PLB1: variants seen among roughly 807,000 people sequenced by gnomAD.
PLB1 encodes phospholipase B1.
In PLB1, 242 loss-of-function variants were observed where a neutral mutation model predicts 227.4. The observed-to-expected ratio is 1.06, with a 90% CI of 0.96 to 1.18. The LOEUF (loss-of-function observed/expected upper bound fraction) is 1.18, where lower values mean the gene tolerates loss of function less well. Ranked by LOEUF, PLB1 falls within the 50% of genes most tolerant of loss-of-function variation. The pLI is 0.00. For missense variants in PLB1, 1,858 were observed against 1,816.3 expected (o/e 1.02, Z -0.42); for synonymous variants, 757 against 682.2 (o/e 1.11, Z -1.71).
rs927383631 is a variant in PLB1 at position 28,614,099 on chromosome 2, A to T, written c.3195+3A>T. ...ACCCCATCAAGCCAGCCATTGAGGT[A>T]ACCCCTGACTCACATCTGCCTCTCT... On this transcript the variant is annotated splice_donor_region_variant and intron_variant, in intron 44 of 57. Transcript: ENST00000327757. 3.1e-6 allele frequency: 5 copies of T among 1,609,524 alleles called. No homozygotes were observed. In the African/African-American group the frequency reaches 5.3e-5, roughly 17 times the overall value.
intron 43 of PLB1, among the ~76,000 whole-genome samples, chr2:28,609,225 TTTC>T (rs1685101697): frequency 6.6e-6 from 1 of 152,154 alleles, no homozygotes; most frequent in Non-Finnish European, 1.5e-5. Context: ...CGGCCTCTGT[TTTC>T]TTTTCTCTCT....
intron 4 of PLB1, among the ~76,000 whole-genome samples, chr2:28,520,173 C>T: frequency 6.6e-6 from 1 of 151,876 alleles, no homozygotes. Context: ...GGTAATCTGC[C>T]CGCCTTGGCC....
In PLB1 at chr2:28,628,460, C is replaced by T. The variant is rs557877510; in HGVS notation, c.3661-103C>T. ...CCAGGACCACCGAAGCCCCTCTGTA[C>T]CCACTCAGTCATTTAGCCCAGGCCC... On this transcript the variant is annotated intron_variant, in intron 51 of 57. Coordinates refer to ENST00000327757, the MANE Select transcript of PLB1 (RefSeq NM_153021.5). The T allele has an allele frequency of 4.8e-5, 48 of 1,000,174 alleles. 1 individual carries two copies. In the African/African-American group the frequency reaches 6.2e-4, roughly 13 times the overall value. The allele number at this position is 1,000,174 out of a possible 1,614,324, so 62.0% of individuals were successfully genotyped here.
intron 55 of PLB1, 72 bp from the exon 56 acceptor site, chr2:28,632,872 C>A: frequency 8.8e-7 from 1 of 1,135,142 alleles, no homozygotes; most frequent in Non-Finnish European, 1.3e-6. Context: ...AGGGCACCTG[C>A]TGGGAGAGTG....
chr2:28,501,264 T>G (rs1033901706), intron 1 of PLB1, among the ~76,000 whole-genome samples: 12 of 152,214 alleles, frequency 7.9e-5, no homozygotes, highest in African/African-American at 2.7e-4. Flanking sequence ...TTTACTCACT[T>G]ACTGAATCCT....
At chr2:28,582,198 C>T in intron 24 of PLB1, 65 bp downstream of exon 24, 2 of 1,544,760 alleles carry the variant, frequency 1.3e-6, no homozygotes, top group Non-Finnish European at 8.9e-7. Flanking sequence ...GAAGCTCTGG[C>T]ATCCTGCTGA....
intron 17 of PLB1, among the ~76,000 whole-genome samples, chr2:28,561,193 A>G (rs1297295145): frequency 6.6e-6 from 1 of 152,166 alleles, no homozygotes; most frequent in Non-Finnish European, 1.5e-5. Context: ...TTAGCTTGTG[A>G]GCTTTTTGAG....
intron 4 of PLB1, among the ~76,000 whole-genome samples, chr2:28,524,596 A>G (rs1669973348): frequency 6.6e-6 from 1 of 152,240 alleles, no homozygotes; most frequent in Non-Finnish European, 1.5e-5. Flanking sequence ...TCCTGCCTTC[A>G]TGGCTCTTAT....
rs76125287 is a variant in PLB1, at chr2:28,643,231, G to C, written c.*170G>C. The C allele has an allele frequency of 4.2e-3, 2,414 of 570,588 alleles. 45 individuals carry two copies. The highest frequency in any genetic ancestry group is 0.041 in the African/African-American group (2,199 of 53,234). 35.3% of individuals were successfully genotyped at this position (570,588 alleles called of 1,614,324 possible). On this transcript the variant is annotated 3_prime_UTR_variant, in exon 58 of 58. Transcript: ENST00000327757. The stretch of plus-strand genomic sequence containing the variant: ...GGCTTCTTCCAGGCCTATGCTCCTG[G>C]AATGGATACATTTAAATAAAGTCCA...
intron 17 of PLB1, among the ~76,000 whole-genome samples, chr2:28,562,539 T>TAAAAAAAAAAAAAAAA (rs1454576363): frequency 3.1e-4 from 1 of 3,270 alleles, no homozygotes; most frequent in Admixed American, 2.0e-3. Flanking sequence ...AGACTCTGTC[T>TAAAAAAAAAAAAAAAA]CAAAAAAAAA....
At chr2:28,623,989 C>G (rs545896641) in intron 49 of PLB1, among the ~76,000 whole-genome samples, 12 of 152,106 alleles carry the variant, frequency 7.9e-5, no homozygotes, top group African/African-American at 2.9e-4. Flanking sequence ...CCCAGCTACT[C>G]GGAAGGCTGA....
At chr2:28,593,927 G>T (rs1266137586) in intron 33 of PLB1, 173 bp downstream of exon 33, 2 of 733,644 alleles carry the variant, frequency 2.7e-6, no homozygotes, top group East Asian at 2.5e-5. Flanking sequence ...GAGTGGAGAG[G>T]ATATTTTACT....
chr2:28,582,459 G>C lies in PLB1; in HGVS notation c.1687G>C (p.Glu563Gln). Residue 563 changes from glutamate to glutamine, a missense_variant, in exon 25 of 58, where the codon GAG becomes CAG. Coordinates refer to ENST00000327757, the MANE Select transcript of PLB1 (RefSeq NM_153021.5). ...VTVLEIVNLRELYQEKKVYCP... is the reference protein window; with the variant it reads ...VTVLEIVNLRQLYQEKKVYCP... The stretch of plus-strand genomic sequence containing the variant: ...GGTGCTTGAGATCGTCAACCTGAGG[G>C]AGCTGTACCAGGAGAAAAAAGTCTA... 1 of 1,613,098 alleles carries C rather than the reference G, an allele frequency of 6.2e-7. No homozygotes were observed. The highest frequency in any genetic ancestry group is 1.1e-5 in the South Asian group (1 of 90,712).
intron 25 of PLB1, among the ~76,000 whole-genome samples, chr2:28,582,735 C>G (rs1267497348): frequency 6.6e-6 from 1 of 152,206 alleles, no homozygotes; most frequent in African/African-American, 2.4e-5. Context: ...TGCACCCCGC[C>G]TCTGTTGCCA....
intron 13 of PLB1, among the ~76,000 whole-genome samples, chr2:28,542,496 C>T (rs1293680969): frequency 6.6e-6 from 1 of 151,900 alleles, no homozygotes; most frequent in Non-Finnish European, 1.5e-5. Flanking sequence ...CCATCAGGGC[C>T]ACATGAGTTA....
chr2:28,559,465 CTT>C (rs1675684168), intron 17 of PLB1, among the ~76,000 whole-genome samples: 1 of 152,216 alleles, frequency 6.6e-6, no homozygotes, highest in African/African-American at 2.4e-5. Context: ...GAGGCAAGAA[CTT>C]TTACTTTTCC....
chr2:28,636,001 A>G (rs1015472136), intron 56 of PLB1, among the ~76,000 whole-genome samples: 1 of 148,002 alleles, frequency 6.8e-6, no homozygotes, highest in East Asian at 2.0e-4. Context: ...GTGTGTATGT[A>G]TGTGTATGTA....
chr2:28,545,553 C>G (rs1472368703), intron 14 of PLB1, among the ~76,000 whole-genome samples: 1 of 152,144 alleles, frequency 6.6e-6, no homozygotes, highest in Non-Finnish European at 1.5e-5. Context: ...TTTCTTGAGG[C>G]AAGTCACACG....
intron 56 of PLB1, among the ~76,000 whole-genome samples, chr2:28,638,243 G>T (rs1012852231): frequency 5.3e-5 from 8 of 151,868 alleles, no homozygotes; most frequent in African/African-American, 1.9e-4. Context: ...TGGGGGAGAG[G>T]GAGGCCTCCC....
Sources: gnomAD v4.1 joint callset for allele counts (sites outside exome capture counted in the v4.1 genomes callset) on GRCh38, gnomAD v4.1.1 for gene constraint, MANE v1.5 for transcripts, NCBI Gene and HGNC (gene_info 2026-07-23, HGNC 2026-07-21) for gene names.